The following NEMF variants were observed in gnomAD, a reference collection of about 807,000 sequenced individuals.
The protein encoded by NEMF is ribosome quality control complex subunit NEMF.
Under a neutral mutation model 162.2 loss-of-function variants are expected in NEMF, and 89 were observed. The observed-to-expected ratio is 0.55, with a 90% CI of 0.46 to 0.65. The LOEUF (loss-of-function observed/expected upper bound fraction) is 0.65, where lower values mean the gene tolerates loss of function less well. NEMF is among the 30% of genes least tolerant of loss of function. The pLI is 0.00. For missense variants in NEMF, 1,133 were observed against 1,261.9 expected (o/e 0.90, Z 1.55); for synonymous variants, 421 against 404.5 (o/e 1.04, Z -0.49).
intron 23 of NEMF, among the ~76,000 whole-genome samples, chr14:49,800,071 CTAAGT>C (rs1162607290): frequency 1.3e-5 from 2 of 152,198 alleles, no homozygotes; most frequent in African/African-American, 4.8e-5. Flanking sequence ...TGAATTACCC[CTAAGT>C]TAATTATGCA....
chr14:49,851,994 CG>C (rs775562545), intron 1 of NEMF, 119 bp from the exon 2 acceptor site: 7 of 619,378 alleles, frequency 1.1e-5, no homozygotes, highest in Non-Finnish European at 1.9e-5. Flanking sequence ...TGGAGTCAGC[CG>C]AGGAGCAGAG....
In NEMF at chr14:49,782,606, T is replaced by G. The variant is rs368117934; in HGVS notation, c.*2030A>C. 1 of 1,585,962 alleles carries G rather than the reference T, an allele frequency of 6.3e-7. No homozygotes were observed. Among genetic ancestry groups the G allele is most frequent in the African/African-American group, 1.4e-5 (1 of 74,050 alleles). ...AAATCTCTTGTACGGTAAGTAACTTTGTACTTGGCACTTAGATTATTTAAA... is the reference window on the plus strand; with the variant it reads ...AAATCTCTTGTACGGTAAGTAACTTGGTACTTGGCACTTAGATTATTTAAA... On this transcript the variant is annotated 3_prime_UTR_variant, in exon 33 of 33. Transcript: ENST00000298310.
At chr14:49,817,936 A>G (rs1387847249) in intron 16 of NEMF, among the ~76,000 whole-genome samples, 1 of 152,204 alleles carries the variant, frequency 6.6e-6, no homozygotes, top group Non-Finnish European at 1.5e-5. Context: ...TATGACCTTG[A>G]TACCAATACC....
At position 49,789,676 on chromosome 14, in the gene NEMF, C is replaced by T. The variant is rs140096731; in HGVS notation, c.2620-103G>A. On this transcript the variant is annotated intron_variant, in intron 26 of 32. Coordinates refer to ENST00000298310, the MANE Select transcript of NEMF (RefSeq NM_004713.6). Reference sequence around the variant, plus strand: ...TACTTTATATTCTCTGTCAAAAATGCTTACTGAATAAGGCACCATTATAAT... The same window carrying T: ...TACTTTATATTCTCTGTCAAAAATGTTTACTGAATAAGGCACCATTATAAT... The T allele has an allele frequency of 2.3e-4, 342 of 1,455,548 alleles. No homozygotes were observed. The African/African-American group carries it at 4.4e-3, about 19-fold the overall frequency. 90.2% of individuals were successfully genotyped at this position (1,455,548 alleles called of 1,614,324 possible).
chr14:49,830,236 T>C (rs1892570970), intron 11 of NEMF, among the ~76,000 whole-genome samples: 1 of 152,192 alleles, frequency 6.6e-6, no homozygotes, highest in Admixed American at 6.5e-5. Context: ...TTGACACCCA[T>C]GAAACCATGG....
At chr14:49,810,882 T>G (rs1891446194) in intron 18 of NEMF, among the ~76,000 whole-genome samples, 1 of 152,150 alleles carries the variant, frequency 6.6e-6, no homozygotes, top group Non-Finnish European at 1.5e-5. Flanking sequence ...TCCCAACTAC[T>G]CAGGAGGTTG....
intron 15 of NEMF, among the ~76,000 whole-genome samples, chr14:49,826,936 G>C (rs561035997): frequency 6.6e-6 from 1 of 152,134 alleles, no homozygotes; most frequent in South Asian, 2.1e-4. Context: ...ATGAAGAGAG[G>C]GGTCAAACTG....
chr14:49,840,522 T>C (rs1893148778), intron 5 of NEMF, among the ~76,000 whole-genome samples, 196 bp downstream of exon 5: 1 of 151,982 alleles, frequency 6.6e-6, no homozygotes. Flanking sequence ...CTTAATTGCT[T>C]ACATGCACAT....
intron 4 of NEMF, among the ~76,000 whole-genome samples, chr14:49,843,525 C>T (rs1346750786): frequency 1.3e-5 from 2 of 152,158 alleles, no homozygotes; most frequent in African/African-American, 4.8e-5. Context: ...TAAAAGAAGG[C>T]AGACCCAATG....
intron 8 of NEMF, 137 bp downstream of exon 8, chr14:49,833,286 T>C: frequency 2.1e-6 from 1 of 484,944 alleles, no homozygotes; most frequent in Non-Finnish European, 3.5e-6. Flanking sequence ...AAAAAAACTA[T>C]CCTGGAATAA....
intron 16 of NEMF, among the ~76,000 whole-genome samples, chr14:49,819,257 G>A (rs2139922806): frequency 6.6e-6 from 1 of 152,154 alleles, no homozygotes; most frequent in East Asian, 1.9e-4. Context: ...TTGGAAATTT[G>A]CTGAGAGTAT....
chr14:49,849,017 C>T (rs922464157), intron 3 of NEMF, among the ~76,000 whole-genome samples: 1 of 151,958 alleles, frequency 6.6e-6, no homozygotes, highest in African/African-American at 2.4e-5. Context: ...AAGAGTTCTT[C>T]TCCAGACCTT....
At chr14:49,824,792 C>T (rs1459922163) in intron 16 of NEMF, among the ~76,000 whole-genome samples, 1 of 152,054 alleles carries the variant, frequency 6.6e-6, no homozygotes, top group East Asian at 1.9e-4. Context: ...GCTTTCTATA[C>T]ACCCTTTCTT....
intron 5 of NEMF, among the ~76,000 whole-genome samples, chr14:49,838,769 A>G (rs1050831214): frequency 5.3e-5 from 8 of 152,090 alleles, no homozygotes; most frequent in Non-Finnish European, 1.2e-4. Flanking sequence ...TATTTTTAGT[A>G]GAGACGGGGT....
intron 11 of NEMF, among the ~76,000 whole-genome samples, chr14:49,831,049 C>G (rs555223168): frequency 4.6e-5 from 7 of 152,194 alleles, no homozygotes; most frequent in Non-Finnish European, 1.0e-4. Context: ...ACAGGCCTCA[C>G]GTTCCCACCG....
intron 18 of NEMF, among the ~76,000 whole-genome samples, chr14:49,810,096 C>T (rs749177786): frequency 2.0e-5 from 3 of 150,396 alleles, no homozygotes; most frequent in South Asian, 2.1e-4. Context: ...AGGCCGGGTG[C>T]GGTGGCTCGT....
At chr14:49,825,555 G>A (rs996352528) in intron 16 of NEMF, among the ~76,000 whole-genome samples, 4 of 152,168 alleles carry the variant, frequency 2.6e-5, no homozygotes, top group African/African-American at 9.6e-5. Context: ...GGGCAACAAA[G>A]TGAGACCCTG....
Position 49,789,207 on chromosome 14 carries a change from A to G in NEMF, c.2834T>C (p.Phe945Ser). ...TAACTCATGAGTTATAACCTCAAGG[A>G]ACGGAGTTTCTTTCTTAATGTTGTC... ...VSDNIKKETP[F>S]LEVITHELQD... is the part of the protein sequence containing the mutation. The change falls in exon 28 of 33, where the codon TTC becomes TCC. Residue 945 changes from phenylalanine (F) to serine (S), a missense_variant. Phe to Ser is a radical substitution (Grantham distance 155). Transcript: ENST00000298310. The G allele has an allele frequency of 6.2e-7, 1 of 1,614,142 alleles. No homozygotes were observed. Among genetic ancestry groups the G allele is most frequent in the Non-Finnish European group, 8.5e-7 (1 of 1,180,004 alleles).
intron 4 of NEMF, 53 bp downstream of exon 4, chr14:49,846,087 C>T: frequency 1.3e-6 from 2 of 1,549,282 alleles, no homozygotes; most frequent in South Asian, 1.1e-5. Context: ...AGCACTATTA[C>T]AAAATGATTA....
Sources: allele counts gnomAD v4.1 joint callset (sites outside exome capture counted in the v4.1 genomes callset), GRCh38; gene constraint gnomAD v4.1.1; transcripts MANE v1.5; gene names NCBI Gene and HGNC (gene_info 2026-07-23, HGNC 2026-07-21).